MMRN1: variants seen among roughly 807,000 people sequenced by gnomAD.
MMRN1 encodes multimerin-1.
In MMRN1, 94 loss-of-function variants were observed where a neutral mutation model predicts 100.7. The observed-to-expected ratio is 0.93, with a 90% CI of 0.79 to 1.11. The LOEUF (loss-of-function observed/expected upper bound fraction) is 1.11. Ranked by LOEUF, MMRN1 falls within the 50% of genes least tolerant of loss-of-function variation. MMRN1 has a pLI of 0.00. For missense variants in MMRN1, 1,606 were observed against 1,439.1 expected, an observed-to-expected ratio of 1.12 and a Z score of -1.88; for synonymous variants, 575 against 505.0, an observed-to-expected ratio of 1.14 and a Z score of -1.86.
At chr4:89,945,686 C>A (rs1722966097) in intron 6 of MMRN1, among the ~76,000 whole-genome samples, 1 of 152,076 alleles carries the variant, frequency 6.6e-6, no homozygotes, top group South Asian at 2.1e-4. Context: ...CAAACAAAAA[C>A]ATTTAATTTC....
chr4:89,934,491 A>G (rs1232187215), intron 5 of MMRN1, among the ~76,000 whole-genome samples: 1 of 152,152 alleles, frequency 6.6e-6, no homozygotes, highest in African/African-American at 2.4e-5. Flanking sequence ...AACTAGACCT[A>G]GAATTATTGT....
At chr4:89,945,821 G>A (rs1170825588) in intron 6 of MMRN1, among the ~76,000 whole-genome samples, 2 of 152,086 alleles carry the variant, frequency 1.3e-5, no homozygotes, top group African/African-American at 4.8e-5. Flanking sequence ...TATATGAAGG[G>A]TTGAGGAAAA....
chr4:89,933,017 C>T (rs1036815886), intron 5 of MMRN1, among the ~76,000 whole-genome samples: 2 of 152,104 alleles, frequency 1.3e-5, no homozygotes, highest in Non-Finnish European at 2.9e-5. Flanking sequence ...ACATAAGCTC[C>T]AATTCCAAGC....
intron 6 of MMRN1, among the ~76,000 whole-genome samples, chr4:89,940,542 C>A (rs925405046): frequency 6.6e-6 from 1 of 152,012 alleles, no homozygotes; most frequent in Non-Finnish European, 1.5e-5. Context: ...TGTGACTCTG[C>A]ATAGAGGCAG....
chr4:89,938,933 C>T (rs962815306), intron 6 of MMRN1, among the ~76,000 whole-genome samples: 1 of 152,032 alleles, frequency 6.6e-6, no homozygotes, highest in Non-Finnish European at 1.5e-5. Flanking sequence ...TTATGCCAGG[C>T]CGGGCCAGCA....
chr4:89,892,459 A>G (rs747246747), upstream of MMRN1, among the ~76,000 whole-genome samples: 4 of 151,758 alleles, frequency 2.6e-5, no homozygotes, highest in Non-Finnish European at 5.9e-5. Context: ...ATTTTTCTTA[A>G]TTGTTATTTA....
chr4:89,944,424 T>C (rs1018443369), intron 6 of MMRN1, among the ~76,000 whole-genome samples: 1 of 152,224 alleles, frequency 6.6e-6, no homozygotes, highest in East Asian at 1.9e-4. Flanking sequence ...TATATACACA[T>C]GGGCACGTTA....
chr4:89,901,155 A>G (rs1298763763), intron 1 of MMRN1, among the ~76,000 whole-genome samples: 4 of 67,526 alleles, frequency 5.9e-5, no homozygotes, highest in East Asian at 4.4e-4. Flanking sequence ...GGCTTTTATG[A>G]AAAAAAAAAA....
intron 1 of MMRN1, among the ~76,000 whole-genome samples, chr4:89,905,550 G>A (rs1407020560): frequency 1.3e-5 from 2 of 151,474 alleles, no homozygotes; most frequent in Non-Finnish European, 3.0e-5. Context: ...ACGCATGGGT[G>A]GGTATTAGGT....
At position 89,935,939 on chromosome 4, in the gene MMRN1, T is replaced by A. The variant is rs141669543; in HGVS notation, c.2259T>A (p.Ser753Arg). 6.2e-7 allele frequency: 1 copy of A among 1,608,664 alleles called. No homozygotes were observed. Among genetic ancestry groups the A allele is most frequent in the African/African-American group, 1.3e-5 (1 of 74,832 alleles). The change falls in exon 6 of 8, where the codon AGT becomes AGA. Residue 753 changes from serine to arginine, a missense_variant. Physicochemically the swap from Ser to Arg is moderately radical, Grantham distance 110. Transcript: ENST00000264790. ...ACTATGCCCTAAAAGAGACTTTAAG[T>A]ACTATTAAGGATAATAGTGAGATCC... ...QDNYALKETL[S>R]TIKDNSEIHH...
intron 1 of MMRN1, among the ~76,000 whole-genome samples, chr4:89,884,411 T>C (rs1318282584): frequency 6.6e-6 from 1 of 152,094 alleles, no homozygotes; most frequent in Non-Finnish European, 1.5e-5. Context: ...TCTTGCAAAA[T>C]TTTGTTTATT....
At chr4:89,918,234 A>G (rs1003814914) in intron 3 of MMRN1, among the ~76,000 whole-genome samples, 3 of 151,490 alleles carry the variant, frequency 2.0e-5, no homozygotes, top group African/African-American at 4.8e-5. Flanking sequence ...TTTTATATCT[A>G]TACTATCTTT....
intron 4 of MMRN1, among the ~76,000 whole-genome samples, chr4:89,926,635 G>A (rs1300197437): frequency 2.6e-5 from 4 of 151,992 alleles, no homozygotes; most frequent in Non-Finnish European, 5.9e-5. Context: ...TTAACTTGAT[G>A]TGATCCCATC....
chr4:89,916,559 A>G (rs1382520025), intron 3 of MMRN1, among the ~76,000 whole-genome samples: 1 of 151,590 alleles, frequency 6.6e-6, no homozygotes, highest in Admixed American at 6.6e-5. Context: ...AATTTTTCTC[A>G]TTTTATATAT....
chr4:89,913,795 G>A (rs954277569), intron 3 of MMRN1, among the ~76,000 whole-genome samples: 13 of 151,204 alleles, frequency 8.6e-5, no homozygotes, highest in Non-Finnish European at 1.5e-4. Flanking sequence ...TAGTGTAATT[G>A]GAACCACTCA....
chr4:89,930,831 G>T (rs1722411092), intron 5 of MMRN1, among the ~76,000 whole-genome samples: 1 of 151,816 alleles, frequency 6.6e-6, no homozygotes, highest in Non-Finnish European at 1.5e-5. Context: ...AATATTTATT[G>T]AATAAATGGG....
At chr4:89,882,724 T>C (rs1044697937) in intron 1 of MMRN1, among the ~76,000 whole-genome samples, 5 of 151,960 alleles carry the variant, frequency 3.3e-5, no homozygotes, top group African/African-American at 1.2e-4. Flanking sequence ...CTTTATTACA[T>C]TTTCATTAAA....
chr4:89,953,247 T>G lies in MMRN1; in HGVS notation c.3516T>G (p.Phe1172Leu). The stretch of plus-strand genomic sequence containing the variant: ...TTGATGGAATAGACAAGCTTGCATT[T>G]GAGTCTGAAAATATTAACAGTGAAA... ...LVVDGIDKLA[F>L]ESENINSEIH... The change falls in exon 8 of 8, where the codon TTT becomes TTG. Residue 1172 changes from phenylalanine to leucine, a missense_variant. Physicochemically the swap from Phe to Leu is conservative, Grantham distance 22. Transcript: ENST00000264790. 6.2e-7 allele frequency: 1 copy of G among 1,613,896 alleles called. No homozygotes were observed. Among genetic ancestry groups the G allele is most frequent in the Non-Finnish European group, 8.5e-7 (1 of 1,179,852 alleles).
In MMRN1 at chr4:89,909,371, G is replaced by A. The variant is rs953048852; in HGVS notation, c.719G>A (p.Trp240Ter). The A allele has an allele frequency of 1.2e-6, 2 of 1,609,772 alleles. No homozygotes were observed. The change falls in exon 2 of 8, where the codon TGG becomes TAG. Residue 240 changes from tryptophan (W) to a stop codon, truncating the protein, a stop_gained. Coordinates refer to ENST00000264790, the MANE Select transcript of MMRN1 (RefSeq NM_007351.3). LOFTEE classifies it high-confidence loss of function. ...CCAGGTGGGAAAGGACCTTGTGGCTGGACCGGTGGATCCTGTCCTCAGAGG... is the reference window on the plus strand; with the variant it reads ...CCAGGTGGGAAAGGACCTTGTGGCTAGACCGGTGGATCCTGTCCTCAGAGG... ...YVPGGKGPCG[W>*]TGGSCPQRSQ...
Sources: allele counts gnomAD v4.1 joint callset (sites outside exome capture counted in the v4.1 genomes callset), GRCh38; gene constraint gnomAD v4.1.1; transcripts MANE v1.5; gene names NCBI Gene and HGNC (gene_info 2026-07-23, HGNC 2026-07-21).